The following PSD2 variants were observed in gnomAD, a reference collection of about 807,000 sequenced individuals.
PSD2 encodes pleckstrin and Sec7 domain containing 2.
In PSD2, 38 loss-of-function variants were observed where a neutral mutation model predicts 69.8. The observed-to-expected ratio is 0.54, with a 90% CI of 0.42 to 0.71. The LOEUF (loss-of-function observed/expected upper bound fraction) is 0.71. PSD2 is among the 30% of genes least tolerant of loss of function. The pLI, the probability that PSD2 is intolerant of heterozygous loss-of-function variation, is 0.00. For missense variants in PSD2, 943 were observed against 1,014.5 expected (o/e 0.93, Z 0.96); for synonymous variants, 412 against 423.0 (o/e 0.97, Z 0.32).
rs1241896385 is a variant in PSD2 at position 139,830,586 on chromosome 5, CTTTCTTTT to C, written c.1270-3114_1270-3107del. Among the ~76,000 whole-genome samples the C allele has an allele frequency of 2.0e-3, 263 of 134,164 alleles. 2 individuals carry two copies. Among genetic ancestry groups the C allele is most frequent in the African/African-American group, 7.9e-3 (249 of 31,656 alleles). 88.0% of individuals were successfully genotyped at this position (134,164 alleles called of 152,430 possible). On this transcript the variant is annotated intron_variant, in intron 7 of 14. Coordinates refer to ENST00000274710, the MANE Select transcript of PSD2 (RefSeq NM_032289.4). ...CCTTCCTTTCTTTCTTTCTTTCTTT[CTTTCTTTT>C]TCTTTCTTTCTTTCTCTTTCTTTCT...
chr5:139,785,589 T>C, the PSD2 span, among the ~76,000 whole-genome samples: 1 of 152,222 alleles, frequency 6.6e-6, no homozygotes, highest in African/African-American at 2.4e-5. Flanking sequence ...ATTATATACT[T>C]CACTTACTTA....
At chr5:139,824,392 T>TCG (rs1760356899) in intron 7 of PSD2, among the ~76,000 whole-genome samples, 1 of 137,620 alleles carries the variant, frequency 7.3e-6, no homozygotes. Context: ...CGTCTCTCTC[T>TCG]TGTTTTTTTT....
chr5:139,756,356 T>A, the PSD2 span, among the ~76,000 whole-genome samples: 1 of 150,558 alleles, frequency 6.6e-6, no homozygotes, highest in Non-Finnish European at 1.5e-5. Flanking sequence ...CTGGAGGGAG[T>A]GGGGTTGGGG....
chr5:139,813,787 A>G, intron 3 of PSD2, 29 bp downstream of exon 3: 1 of 1,560,340 alleles, frequency 6.4e-7, no homozygotes, highest in Middle Eastern at 1.9e-4. Flanking sequence ...TGGGAGAACC[A>G]CCGAGCAGAT....
intron 4 of PSD2, among the ~76,000 whole-genome samples, chr5:139,815,724 T>C (rs1320232346): frequency 2.0e-5 from 3 of 152,212 alleles, no homozygotes; most frequent in African/African-American, 7.2e-5. Flanking sequence ...CCGGGCATAG[T>C]GGCTCATGCC....
At chr5:139,824,441 G>A (rs965204625) in intron 7 of PSD2, among the ~76,000 whole-genome samples, 1 of 136,060 alleles carries the variant, frequency 7.3e-6, no homozygotes, top group African/African-American at 2.9e-5. Flanking sequence ...CTGTCGCCTA[G>A]GCTGGAGTGC....
the PSD2 span, among the ~76,000 whole-genome samples, chr5:139,758,448 C>T: frequency 5.9e-5 from 9 of 152,080 alleles, no homozygotes; most frequent in South Asian, 1.5e-3. Flanking sequence ...GCGGACCGTG[C>T]GGGCAGAAAG....
At position 139,839,935 on chromosome 5, in the gene PSD2, CTTTGGTGG is replaced by C; in HGVS notation, c.1969-91_1969-84del. 5 of 1,460,084 alleles carry C rather than the reference CTTTGGTGG, an allele frequency of 3.4e-6. No homozygotes were observed. The highest frequency in any genetic ancestry group is 4.7e-6 in the Non-Finnish European group (5 of 1,057,030). 90.4% of individuals were successfully genotyped at this position (1,460,084 alleles called of 1,614,324 possible). A position where few individuals can be genotyped will look rare whatever the true frequency, so the allele number is the denominator to read the frequency against. ...TGATGCTGGCTAGGCCTTCATTTCC[CTTTGGTGG>C]AGCAGCTCCTGGTAGAACAGGATTT... On this transcript the variant is annotated intron_variant, in intron 13 of 14. Transcript: ENST00000274710. The surrounding 1 kb of genome is among the most constrained non-coding windows in gnomAD (Gnocchi z 5.1).
the PSD2 span, among the ~76,000 whole-genome samples, chr5:139,776,119 G>T: frequency 1.3e-5 from 2 of 152,244 alleles, no homozygotes; most frequent in South Asian, 4.1e-4. Flanking sequence ...ACACCGGCAG[G>T]ATAACATCCA....
chr5:139,825,142 A>G lies in PSD2; in HGVS notation c.1269+2358A>G, dbSNP rs12657709. 1.2e-3 allele frequency among the ~76,000 whole-genome samples: 178 copies of G among 152,314 alleles called. 4 individuals are homozygous for G. The East Asian group carries it at 0.032, about 27-fold the overall frequency. On this transcript the variant is annotated intron_variant, in intron 7 of 14. Coordinates refer to ENST00000274710, the MANE Select transcript of PSD2 (RefSeq NM_032289.4). ...CAAGAGGTGGACAACACAGAAGTGA[A>G]CAAGCGATTACAAGTTGTGCAGCTC...
the PSD2 span, among the ~76,000 whole-genome samples, chr5:139,748,847 A>G: frequency 6.6e-6 from 1 of 151,960 alleles, no homozygotes; most frequent in Non-Finnish European, 1.5e-5. Context: ...GGGAAAAAAC[A>G]GAGAATAAAT....
At chr5:139,767,124 CT>C in the PSD2 span, among the ~76,000 whole-genome samples, 1 of 151,544 alleles carries the variant, frequency 6.6e-6, no homozygotes, top group South Asian at 2.1e-4. Context: ...TCCCGAGTAG[CT>C]GGGACTACAG....
the PSD2 span, among the ~76,000 whole-genome samples, chr5:139,770,601 G>A: frequency 6.6e-6 from 1 of 152,036 alleles, no homozygotes; most frequent in Non-Finnish European, 1.5e-5. Context: ...AACATGAATG[G>A]CCCAGGAACC....
At chr5:139,748,812 C>T in the PSD2 span, among the ~76,000 whole-genome samples, 107 of 151,888 alleles carry the variant, frequency 7.0e-4, no homozygotes, top group Non-Finnish European at 1.4e-3. Context: ...CCGCGATGAT[C>T]TGAATAATTA....
the PSD2 span, among the ~76,000 whole-genome samples, chr5:139,776,962 G>A: frequency 2.6e-5 from 4 of 152,180 alleles, no homozygotes; most frequent in Non-Finnish European, 5.9e-5. Flanking sequence ...TTCCACTGTA[G>A]GACAGTTTCT....
At chr5:139,806,449 G>A (rs146183676) in intron 1 of PSD2, among the ~76,000 whole-genome samples, 65 of 152,352 alleles carry the variant, frequency 4.3e-4, no homozygotes, top group African/African-American at 1.5e-3. Context: ...AGACAGCTAC[G>A]CTGTGGGGCC....
the PSD2 span, among the ~76,000 whole-genome samples, chr5:139,765,612 G>T: frequency 6.6e-6 from 1 of 152,240 alleles, no homozygotes; most frequent in Non-Finnish European, 1.5e-5. Context: ...CCGCCGGGCC[G>T]CAGTGCTCGC....
chr5:139,826,348 T>C (rs780951686), intron 7 of PSD2, among the ~76,000 whole-genome samples: 3 of 152,146 alleles, frequency 2.0e-5, no homozygotes, highest in Non-Finnish European at 4.4e-5. Context: ...GCCACCAGGA[T>C]CAACCCAACA....
chr5:139,752,428 G>A, the PSD2 span, among the ~76,000 whole-genome samples: 1 of 152,262 alleles, frequency 6.6e-6, no homozygotes, highest in East Asian at 1.9e-4. Context: ...GCAAAGCGAT[G>A]GAGAGACACA....
Sources: gnomAD v4.1 joint callset for allele counts (sites outside exome capture counted in the v4.1 genomes callset) on GRCh38, gnomAD v4.1.1 for gene constraint, Gnocchi (gnomAD v3.1) non-coding constraint, MANE v1.5 for transcripts, NCBI Gene and HGNC (gene_info 2026-07-23, HGNC 2026-07-21) for gene names.